Variants in CHN1 observed in about 807,000 individuals in gnomAD.
CHN1 encodes the protein chimerin 1.
A neutral mutation model predicts 59.5 loss-of-function variants in CHN1; 37 were observed. The observed-to-expected ratio is 0.62, with a 90% confidence interval of 0.48 to 0.82. The LOEUF is 0.82. CHN1 is among the 40% of genes least tolerant of loss of function. CHN1 has a pLI of 0.00. For missense variants in CHN1, 469 were observed against 571.0 expected (o/e 0.82, Z 1.82); for synonymous variants, 206 against 200.4 (o/e 1.03, Z -0.24).
At chr2:174,828,170 G>A (rs1174501463) in intron 7 of CHN1, among the ~76,000 whole-genome samples, 2 of 152,156 alleles carry the variant, frequency 1.3e-5, no homozygotes, top group African/African-American at 4.8e-5. Context: ...TGAGCATCAG[G>A]AAGGAAGTTC....
chr2:174,810,616 T>G (rs1404398892), intron 10 of CHN1, among the ~76,000 whole-genome samples: 1 of 152,242 alleles, frequency 6.6e-6, no homozygotes, highest in Non-Finnish European at 1.5e-5. Context: ...CTCTTCCTGA[T>G]GCTTATTTGG....
At chr2:174,880,786 G>A (rs1405441314) in intron 5 of CHN1, among the ~76,000 whole-genome samples, 3 of 152,130 alleles carry the variant, frequency 2.0e-5, no homozygotes, top group South Asian at 2.1e-4. Context: ...GGTGGCTCAC[G>A]CCTGTAATAA....
intron 6 of CHN1, among the ~76,000 whole-genome samples, chr2:174,859,152 T>C (rs1002955963): frequency 6.6e-6 from 1 of 152,136 alleles, no homozygotes; most frequent in Admixed American, 6.6e-5. Flanking sequence ...ATGCCCCTAA[T>C]AGCAACCAAC....
At chr2:174,863,084 C>G (rs1038806034) in intron 6 of CHN1, among the ~76,000 whole-genome samples, 3 of 152,138 alleles carry the variant, frequency 2.0e-5, no homozygotes, top group African/African-American at 7.2e-5. Context: ...CTAAACTTGA[C>G]AGCTTCCTAC....
intron 3 of CHN1, among the ~76,000 whole-genome samples, chr2:174,931,723 T>TG (rs977688147): frequency 3.3e-5 from 5 of 152,172 alleles, no homozygotes; most frequent in African/African-American, 7.2e-5. Flanking sequence ...CTGGGAATGC[T>TG]GGGGGGATGA....
At chr2:174,947,763 T>G (rs1326593847) in intron 2 of CHN1, among the ~76,000 whole-genome samples, 1 of 152,100 alleles carries the variant, frequency 6.6e-6, no homozygotes, top group Non-Finnish European at 1.5e-5. Flanking sequence ...GGATTACAGG[T>G]GTGAGCCACT....
At chr2:174,893,542 CAAAGCAATCTAGACACT>C (rs532426756) in intron 5 of CHN1, among the ~76,000 whole-genome samples, 25 of 152,034 alleles carry the variant, frequency 1.6e-4, no homozygotes, top group East Asian at 3.8e-4. Context: ...CCATACTATC[CAAAGCAATCTAGACACT>C]AAAGCAATCT....
intron 5 of CHN1, among the ~76,000 whole-genome samples, chr2:174,881,381 G>A (rs1324673994): frequency 6.6e-6 from 1 of 152,160 alleles, no homozygotes; most frequent in Non-Finnish European, 1.5e-5. Context: ...GCATCAGACA[G>A]TTGTAAGTTT....
intron 7 of CHN1, among the ~76,000 whole-genome samples, chr2:174,833,025 T>C (rs1685933692): frequency 6.6e-6 from 1 of 152,156 alleles, no homozygotes; most frequent in African/African-American, 2.4e-5. Flanking sequence ...TGACACATGG[T>C]TATATTTGTC....
At chr2:174,921,605 T>G (rs1321922633) in intron 3 of CHN1, among the ~76,000 whole-genome samples, 1 of 151,778 alleles carries the variant, frequency 6.6e-6, no homozygotes, top group Non-Finnish European at 1.5e-5. Context: ...GTGATGAAAC[T>G]GGGTAATTTA....
At chr2:174,958,271 C>T (rs1396119599) in intron 1 of CHN1, among the ~76,000 whole-genome samples, 2 of 152,194 alleles carry the variant, frequency 1.3e-5, no homozygotes, top group African/African-American at 4.8e-5. Flanking sequence ...CTGTCCTGTG[C>T]CTGTCTTCCC....
At chr2:174,884,316 G>A (rs1460386049) in intron 5 of CHN1, among the ~76,000 whole-genome samples, 1 of 151,836 alleles carries the variant, frequency 6.6e-6, no homozygotes, top group Admixed American at 6.6e-5. Flanking sequence ...AAAATGGAAG[G>A]GAAAGGAATC....
Position 174,799,909 on chromosome 2 carries a change from C to G in CHN1, c.*207G>C. The G allele has an allele frequency of 1.5e-6, 1 of 660,528 alleles. No homozygotes were observed. The highest frequency in any genetic ancestry group is 2.8e-6 in the Non-Finnish European group (1 of 360,818). The allele number at this position is 660,528 out of a possible 1,614,324, so 40.9% of individuals were successfully genotyped here. On this transcript the variant is annotated 3_prime_UTR_variant, in exon 13 of 13. Coordinates refer to ENST00000409900, the MANE Select transcript of CHN1 (RefSeq NM_001822.7). ...AGTTTCTCTGAACGTGATAAACACC[C>G]AGGATTACTAGAACCAGAAAGCGTG...
At chr2:174,992,758 G>C (rs1468304193) in intron 1 of CHN1, among the ~76,000 whole-genome samples, 1 of 152,028 alleles carries the variant, frequency 6.6e-6, no homozygotes, top group African/African-American at 2.4e-5. Flanking sequence ...CAAGAAGCCT[G>C]CTAAGTCAGT....
chr2:174,857,838 A>G (rs1365663167), intron 6 of CHN1, among the ~76,000 whole-genome samples: 1 of 152,228 alleles, frequency 6.6e-6, no homozygotes, highest in East Asian at 1.9e-4. Flanking sequence ...GAAATCAGAG[A>G]AGGTCTAACA....
At chr2:174,847,555 C>A in intron 6 of CHN1, 1 of 1,258,288 alleles carries the variant, frequency 7.9e-7, no homozygotes, top group South Asian at 1.6e-5. Context: ...ATACTGCCTG[C>A]AATCAGTTTC....
intron 6 of CHN1, among the ~76,000 whole-genome samples, chr2:174,863,556 TAA>T (rs1232906975): frequency 6.6e-6 from 1 of 152,208 alleles, no homozygotes; most frequent in African/African-American, 2.4e-5. Flanking sequence ...TATTGTTTCT[TAA>T]AGATATTTTA....
At chr2:174,920,010 A>G (rs1380977861) in intron 3 of CHN1, among the ~76,000 whole-genome samples, 1 of 152,110 alleles carries the variant, frequency 6.6e-6, no homozygotes, top group East Asian at 1.9e-4. Flanking sequence ...CGAATTCAAC[A>G]TGTTTAGATT....
At chr2:174,976,205 T>C (rs1690933113) in intron 1 of CHN1, among the ~76,000 whole-genome samples, 1 of 150,540 alleles carries the variant, frequency 6.6e-6, no homozygotes, top group Non-Finnish European at 1.5e-5. Context: ...ATTTCTGCCA[T>C]GTTATGTTTC....
Sources: gnomAD v4.1 joint callset for allele counts (sites outside exome capture counted in the v4.1 genomes callset) on GRCh38, gnomAD v4.1.1 for gene constraint, MANE v1.5 for transcripts, NCBI Gene and HGNC (gene_info 2026-07-23, HGNC 2026-07-21) for gene names.